The following UBE2U variants were observed in gnomAD, a reference collection of about 807,000 sequenced individuals.
The protein encoded by UBE2U is ubiquitin-conjugating enzyme E2 U.
Under a neutral mutation model 41.2 loss-of-function variants are expected in UBE2U, and 39 were observed. The observed-to-expected ratio is 0.95, with a 90% CI of 0.73 to 1.24. The LOEUF is 1.24. Among genes scored for constraint, UBE2U ranks in the 50% most tolerant of loss-of-function variants. The pLI is 0.00. For missense variants in UBE2U, 336 were observed against 363.1 expected (o/e 0.93, Z 0.61); for synonymous variants, 107 against 117.8 (o/e 0.91, Z 0.60).
At chr1:64,213,779 A>G (rs937890689) in intron 4 of UBE2U, among the ~76,000 whole-genome samples, 1 of 152,220 alleles carries the variant, frequency 6.6e-6, no homozygotes, top group African/African-American at 2.4e-5. Flanking sequence ...TACACATTTC[A>G]TCGTTGTTTG....
intron 8 of UBE2U, among the ~76,000 whole-genome samples, chr1:64,251,092 A>C (rs1254859291): frequency 6.6e-6 from 1 of 151,652 alleles, no homozygotes; most frequent in African/African-American, 2.4e-5. Context: ...TAAATAGGGA[A>C]TCCTTCCCCG....
At chr1:64,241,573 G>T in intron 7 of UBE2U, 79 bp from the exon 8 acceptor site, 1 of 989,262 alleles carries the variant, frequency 1.0e-6, no homozygotes, top group South Asian at 1.5e-5. Context: ...AATGAGAAGT[G>T]AATGATTTTT....
intron 7 of UBE2U, among the ~76,000 whole-genome samples, chr1:64,234,735 A>G (rs1237751882): frequency 6.6e-6 from 1 of 152,216 alleles, no homozygotes; most frequent in East Asian, 1.9e-4. Flanking sequence ...TTGATACCAG[A>G]GTACCTGAAT....
intron 5 of UBE2U, 27 bp downstream of exon 5, chr1:64,214,959 G>T (rs373539455): frequency 1.4e-5 from 22 of 1,577,858 alleles, no homozygotes; most frequent in African/African-American, 1.3e-4. Flanking sequence ...TTTGTTAGGT[G>T]CAGTGGCTCA....
At chr1:64,232,698 G>T in intron 7 of UBE2U, 49 bp downstream of exon 7, 1 of 1,437,812 alleles carries the variant, frequency 7.0e-7, no homozygotes. Context: ...ATGTTAATCT[G>T]TTAACATTTA....
At chr1:64,232,256 T>G (rs923170489) in intron 6 of UBE2U, among the ~76,000 whole-genome samples, 1 of 152,258 alleles carries the variant, frequency 6.6e-6, no homozygotes, top group East Asian at 1.9e-4. Flanking sequence ...TAGAGTTCTT[T>G]TTTAATGTTA....
At chr1:64,245,499 G>C (rs1001579839) in intron 8 of UBE2U, among the ~76,000 whole-genome samples, 1 of 152,146 alleles carries the variant, frequency 6.6e-6, no homozygotes, top group Admixed American at 6.6e-5. Flanking sequence ...TCCTGGTGGT[G>C]GTTTACATTC....
At chr1:64,239,092 G>GGAAGAA (rs1221201927) in intron 7 of UBE2U, among the ~76,000 whole-genome samples, 73 of 42,782 alleles carry the variant, frequency 1.7e-3, no homozygotes, top group Non-Finnish European at 2.5e-3. Flanking sequence ...AAGAGGAAGA[G>GGAAGAA]GAAGAAGAAG....
At chr1:64,217,528 A>G (rs980510488) in intron 5 of UBE2U, among the ~76,000 whole-genome samples, 2 of 152,122 alleles carry the variant, frequency 1.3e-5, no homozygotes, top group African/African-American at 4.8e-5. Context: ...ATCAAGTAAT[A>G]TTTATCTTCT....
chr1:64,215,033 G>C (rs1380642151), intron 5 of UBE2U, 101 bp downstream of exon 5: 1 of 759,924 alleles, frequency 1.3e-6, no homozygotes, highest in Non-Finnish European at 2.2e-6. Flanking sequence ...CGGAGTTCGA[G>C]ACCAGCCTGA....
In UBE2U at chr1:64,204,040, C is replaced by T. The variant is rs1418507009; in HGVS notation, c.-11C>T. 3.7e-6 allele frequency: 6 copies of T among 1,612,842 alleles called. No individual in the cohort carries two copies. The highest frequency in any genetic ancestry group is 5.1e-6 in the Non-Finnish European group (6 of 1,179,362). On this transcript the variant is annotated 5_prime_UTR_variant, in exon 1 of 10. Transcript: ENST00000371077. ...ATTTGGGGACAAGTGTCAGACCCTC[C>T]GCTGCCTATCATGCACGGCAGAGCT... is the stretch of plus-strand genomic sequence containing the variant.
At chr1:64,223,201 G>A (rs1022203262) in intron 6 of UBE2U, among the ~76,000 whole-genome samples, 6 of 152,146 alleles carry the variant, frequency 3.9e-5, no homozygotes, top group Non-Finnish European at 8.8e-5. Context: ...CTAACCTCAC[G>A]AGATTTATAT....
At chr1:64,220,151 A>C (rs1016979058) in intron 5 of UBE2U, among the ~76,000 whole-genome samples, 1 of 152,032 alleles carries the variant, frequency 6.6e-6, no homozygotes, top group Non-Finnish European at 1.5e-5. Context: ...GCTTGTTGAC[A>C]GTTTTATTTC....
chr1:64,211,091 A>C (rs1199513768), intron 4 of UBE2U, among the ~76,000 whole-genome samples: 1 of 152,202 alleles, frequency 6.6e-6, no homozygotes, highest in Non-Finnish European at 1.5e-5. Context: ...GAATAAAATA[A>C]TTATTTAGAT....
intron 8 of UBE2U, among the ~76,000 whole-genome samples, chr1:64,250,163 A>C (rs1370480726): frequency 6.6e-6 from 1 of 152,178 alleles, no homozygotes; most frequent in African/African-American, 2.4e-5. Context: ...AGAATTTTAT[A>C]ACCAGTGAAA....
rs142291854 is a variant in UBE2U, at chr1:64,232,419, G to T, written c.507-142G>T. On this transcript the variant is annotated intron_variant, in intron 6 of 9. Coordinates refer to ENST00000371077, the MANE Select transcript of UBE2U (RefSeq NM_001366232.2). Reference sequence around the variant, plus strand: ...TGGAATCAGTATATTGGATACAATTGTTAAAAATGCATGTTACAATTTGCA... The same window carrying T: ...TGGAATCAGTATATTGGATACAATTTTTAAAAATGCATGTTACAATTTGCA... The T allele has an allele frequency of 1.0e-3, 547 of 538,404 alleles. 1 individual carries two copies. The highest frequency in any genetic ancestry group is 9.3e-3 in the African/African-American group (485 of 52,234). 33.4% of individuals were successfully genotyped at this position (538,404 alleles called of 1,614,324 possible). A position where few individuals can be genotyped will look rare whatever the true frequency, so the allele number is the denominator to read the frequency against.
chr1:64,224,442 G>A (rs1021837939), intron 6 of UBE2U, among the ~76,000 whole-genome samples: 1 of 152,158 alleles, frequency 6.6e-6, no homozygotes, highest in Non-Finnish European at 1.5e-5. Flanking sequence ...AAGTAAGCGG[G>A]CCGGGTGCAG....
At chr1:64,239,478 C>G (rs1644796708) in intron 7 of UBE2U, among the ~76,000 whole-genome samples, 2 of 151,702 alleles carry the variant, frequency 1.3e-5, no homozygotes, top group African/African-American at 4.8e-5. Context: ...ATTAACTTAT[C>G]ATTTACATTA....
intron 6 of UBE2U, among the ~76,000 whole-genome samples, chr1:64,227,958 G>GA (rs1430816619): frequency 2.0e-5 from 3 of 152,088 alleles, no homozygotes; most frequent in African/African-American, 7.2e-5. Context: ...TGTGGCTTGG[G>GA]AAAAACTCAA....
Sources: allele counts gnomAD v4.1 joint callset (sites outside exome capture counted in the v4.1 genomes callset), GRCh38; gene constraint gnomAD v4.1.1; transcripts MANE v1.5; gene names NCBI Gene and HGNC (gene_info 2026-07-23, HGNC 2026-07-21).